Variants in DNM3 observed in about 807,000 individuals in gnomAD.
DNM3 encodes the protein dynamin 3, also known as dynamin-3.
DNM3 carries 47 observed loss-of-function variants against 101.6 expected under a neutral mutation model. The observed-to-expected ratio is 0.46, with a 90% CI of 0.37 to 0.59. DNM3 has a LOEUF of 0.59. Ranked by LOEUF, DNM3 falls within the 20% of genes least tolerant of loss-of-function variation. DNM3 has a pLI of 0.00. For missense variants in DNM3, 849 were observed against 1,085.7 expected, an observed-to-expected ratio of 0.78 and a Z score of 3.06; for synonymous variants, 385 against 387.9, an observed-to-expected ratio of 0.99 and a Z score of 0.09.
chr1:171,901,086 A>C (rs1254345886), intron 1 of DNM3, among the ~76,000 whole-genome samples: 3 of 137,500 alleles, frequency 2.2e-5, no homozygotes, highest in South Asian at 2.6e-4. Flanking sequence ...GCACTCCAGC[A>C]TGGGCGACAG....
chr1:172,185,280 C>T (rs982956619), intron 14 of DNM3, among the ~76,000 whole-genome samples: 1 of 152,058 alleles, frequency 6.6e-6, no homozygotes, highest in South Asian at 2.1e-4. Context: ...AGACTGTTTA[C>T]TTTAGGTTTC....
chr1:172,131,521 C>CT (rs1400825210), intron 14 of DNM3, among the ~76,000 whole-genome samples: 1 of 152,084 alleles, frequency 6.6e-6, no homozygotes, highest in East Asian at 1.9e-4. Context: ...CATATGTTTG[C>CT]TTACCTGAAG....
chr1:171,861,724 A>T (rs2034196504), intron 1 of DNM3, among the ~76,000 whole-genome samples: 1 of 152,170 alleles, frequency 6.6e-6, no homozygotes, highest in Non-Finnish European at 1.5e-5. Flanking sequence ...GTGACAAAAT[A>T]AAAAATAGTT....
intron 2 of DNM3, among the ~76,000 whole-genome samples, chr1:171,982,760 A>G (rs2125594398): frequency 6.6e-6 from 1 of 152,248 alleles, no homozygotes; most frequent in East Asian, 1.9e-4. Context: ...TTAACCAGTG[A>G]GATGGTTAAA....
intron 20 of DNM3, among the ~76,000 whole-genome samples, chr1:172,391,580 CTGTT>C (rs1417486096): frequency 2.0e-5 from 3 of 152,298 alleles, no homozygotes; most frequent in East Asian, 1.9e-4. Flanking sequence ...TCACCTTATT[CTGTT>C]TGTTTAATAT....
intron 14 of DNM3, among the ~76,000 whole-genome samples, chr1:172,207,585 A>G (rs1199246888): frequency 6.6e-6 from 1 of 152,114 alleles, no homozygotes; most frequent in Non-Finnish European, 1.5e-5. Context: ...GGAGAAAGGC[A>G]TTGAATTTGG....
At chr1:172,018,958 C>T (rs2047634082) in intron 4 of DNM3, among the ~76,000 whole-genome samples, 1 of 150,300 alleles carries the variant, frequency 6.7e-6, no homozygotes, top group South Asian at 2.1e-4. Context: ...TTCACTTTTC[C>T]TTCCCCTTCC....
At chr1:172,152,776 G>T (rs1436744515) in intron 14 of DNM3, among the ~76,000 whole-genome samples, 1 of 152,090 alleles carries the variant, frequency 6.6e-6, no homozygotes, top group Non-Finnish European at 1.5e-5. Flanking sequence ...ATTTTAGTGA[G>T]TTTTTTGTGT....
intron 6 of DNM3, among the ~76,000 whole-genome samples, chr1:172,035,731 T>C (rs1186676108): frequency 6.6e-6 from 1 of 152,174 alleles, no homozygotes; most frequent in African/African-American, 2.4e-5. Flanking sequence ...ATTTGGGTCC[T>C]TGTCTCTTGT....
At chr1:171,851,014 T>C (rs1465296849) in intron 1 of DNM3, among the ~76,000 whole-genome samples, 1 of 152,142 alleles carries the variant, frequency 6.6e-6, no homozygotes, top group Non-Finnish European at 1.5e-5. Context: ...TGGCAGGTGG[T>C]CCCTGCATAT....
At chr1:172,412,799 C>T, downstream of DNM3, 1 of 933,580 alleles carries the variant, frequency 1.1e-6, no homozygotes, top group Non-Finnish European at 1.3e-6. Context: ...ATTTATAGCT[C>T]TTTTGATTAA....
At chr1:172,043,619 G>A (rs1173856093) in intron 8 of DNM3, among the ~76,000 whole-genome samples, 5 of 152,090 alleles carry the variant, frequency 3.3e-5, no homozygotes, top group African/African-American at 1.2e-4. Flanking sequence ...GGAAGAGGTA[G>A]GCTACAGGAG....
chr1:171,897,658 AG>A (rs2037933151), intron 1 of DNM3, among the ~76,000 whole-genome samples: 1 of 152,238 alleles, frequency 6.6e-6, no homozygotes, highest in Non-Finnish European at 1.5e-5. Flanking sequence ...AATAAAAAAA[AG>A]AATCTTCCCA....
At chr1:172,331,421 A>G (rs1229860270) in intron 17 of DNM3, among the ~76,000 whole-genome samples, 1 of 152,216 alleles carries the variant, frequency 6.6e-6, no homozygotes, top group African/African-American at 2.4e-5. Context: ...CCATTTATTT[A>G]TATAATTAAA....
intron 14 of DNM3, among the ~76,000 whole-genome samples, chr1:172,200,007 T>A (rs1016244296): frequency 6.6e-6 from 1 of 152,142 alleles, no homozygotes; most frequent in African/African-American, 2.4e-5. Context: ...GTGACACTGG[T>A]CCATGTGTTT....
intron 2 of DNM3, among the ~76,000 whole-genome samples, chr1:171,946,701 G>A (rs868567511): frequency 1.3e-5 from 2 of 152,166 alleles, no homozygotes; most frequent in African/African-American, 4.8e-5. Flanking sequence ...TCTGAAGGCT[G>A]TACAAGAAGC....
intron 2 of DNM3, among the ~76,000 whole-genome samples, chr1:171,968,754 C>A (rs2043776506): frequency 6.6e-6 from 1 of 152,148 alleles, no homozygotes; most frequent in South Asian, 2.1e-4. Context: ...GTCCAGTCTT[C>A]TGTCCCATTT....
At chr1:172,093,721 A>C in intron 13 of DNM3, 1 of 1,607,352 alleles carries the variant, frequency 6.2e-7, no homozygotes, top group Non-Finnish European at 8.5e-7. Context: ...CCTTCAAGGC[A>C]AATTGTACGA....
intron 17 of DNM3, among the ~76,000 whole-genome samples, chr1:172,331,025 G>A (rs1221604807): frequency 1.3e-5 from 2 of 152,076 alleles, no homozygotes; most frequent in African/African-American, 4.8e-5. Context: ...TCACTGAATT[G>A]CATATTGTTG....
Sources: gnomAD v4.1 joint callset for allele counts (sites outside exome capture counted in the v4.1 genomes callset) on GRCh38, gnomAD v4.1.1 for gene constraint, MANE v1.5 for transcripts, NCBI Gene and HGNC (gene_info 2026-07-23, HGNC 2026-07-21) for gene names.